The following CTNNA3 variants were observed in gnomAD, a reference collection of about 807,000 sequenced individuals.
The protein encoded by CTNNA3 is catenin alpha 3.
A neutral mutation model predicts 95.7 loss-of-function variants in CTNNA3; 76 were observed. That is an observed-to-expected ratio of 0.79 (90% CI 0.66 to 0.96). The LOEUF (loss-of-function observed/expected upper bound fraction) is 0.96, where lower values mean the gene tolerates loss of function less well. Ranked by LOEUF, CTNNA3 falls within the 40% of genes least tolerant of loss-of-function variation. The probability of loss-of-function intolerance (pLI) is 0.00; values close to 1 mark genes in which losing one functional copy is unlikely to be tolerated. For missense variants in CTNNA3, 1,191 were observed against 1,089.8 expected (o/e 1.09, Z -1.31); for synonymous variants, 431 against 374.4 (o/e 1.15, Z -1.74).
At chr10:66,876,611 G>C (rs948901830) in intron 7 of CTNNA3, among the ~76,000 whole-genome samples, 1 of 152,048 alleles carries the variant, frequency 6.6e-6, no homozygotes, top group Non-Finnish European at 1.5e-5. Context: ...CAACTCACCT[G>C]CAGCCATGAT....
chr10:66,914,244 C>T (rs1846371502), intron 7 of CTNNA3, among the ~76,000 whole-genome samples: 1 of 151,306 alleles, frequency 6.6e-6, no homozygotes, highest in African/African-American at 2.4e-5. Flanking sequence ...CATTCTCCTG[C>T]CTCAGCCTCC....
chr10:67,751,276 C>T (rs1285554627), intron 1 of CTNNA3: 31 of 1,092,064 alleles, frequency 2.8e-5, no homozygotes, highest in Admixed American at 2.4e-4. Flanking sequence ...TCTCTTTCTT[C>T]GCTGAAGTGT....
chr10:67,610,423 T>C (rs1843420124), intron 2 of CTNNA3, among the ~76,000 whole-genome samples: 1 of 152,252 alleles, frequency 6.6e-6, no homozygotes, highest in Non-Finnish European at 1.5e-5. Context: ...TTATTTGATA[T>C]TGATTAAACT....
chr10:67,275,748 T>G (rs1182283564), intron 5 of CTNNA3, among the ~76,000 whole-genome samples: 1 of 152,204 alleles, frequency 6.6e-6, no homozygotes, highest in Non-Finnish European at 1.5e-5. Context: ...AAGAACTATC[T>G]TCTGTAATTC....
chr10:67,455,712 A>T (rs927751422), intron 5 of CTNNA3, among the ~76,000 whole-genome samples: 7 of 152,162 alleles, frequency 4.6e-5, no homozygotes, highest in African/African-American at 1.7e-4. Flanking sequence ...TTTAAGGGCC[A>T]TTCTACAAAA....
intron 6 of CTNNA3, among the ~76,000 whole-genome samples, chr10:67,182,316 C>G (rs887807733): frequency 6.6e-6 from 1 of 152,190 alleles, no homozygotes; most frequent in African/African-American, 2.4e-5. Context: ...GTAACCAAAA[C>G]AGCATGGTAC....
intron 7 of CTNNA3, among the ~76,000 whole-genome samples, chr10:66,784,845 A>C (rs1840679121): frequency 6.6e-6 from 1 of 152,076 alleles, no homozygotes; most frequent in African/African-American, 2.4e-5. Context: ...CTACTTTCTC[A>C]CTCCATAGTC....
At chr10:66,798,757 G>A (rs1049264606) in intron 7 of CTNNA3, among the ~76,000 whole-genome samples, 6 of 151,518 alleles carry the variant, frequency 4.0e-5, no homozygotes, top group Non-Finnish European at 8.9e-5. Context: ...CACCATGTAC[G>A]TTACCTGTTC....
chr10:67,004,556 T>C (rs1276411879), intron 7 of CTNNA3, among the ~76,000 whole-genome samples: 14 of 152,180 alleles, frequency 9.2e-5, no homozygotes, highest in Admixed American at 6.5e-4. Context: ...GCTTTTTTTT[T>C]CAGTGGAAAC....
At chr10:66,242,511 A>G (rs778186742) in intron 13 of CTNNA3, among the ~76,000 whole-genome samples, 8 of 152,200 alleles carry the variant, frequency 5.3e-5, no homozygotes, top group Non-Finnish European at 7.3e-5. Flanking sequence ...ATTATTGATA[A>G]AAAAATAAGC....
At chr10:66,194,753 C>T (rs1422076374) in intron 13 of CTNNA3, among the ~76,000 whole-genome samples, 1 of 152,176 alleles carries the variant, frequency 6.6e-6, no homozygotes, top group Non-Finnish European at 1.5e-5. Context: ...GTCCATGAGA[C>T]ATGGGTCCTC....
rs949717791 is a variant in CTNNA3, at chr10:67,011,044, T to C, written c.1047+169273A>G. On this transcript the variant is annotated intron_variant, in intron 7 of 17. Transcript: ENST00000433211. Reference sequence around the variant, plus strand: ...TAAGATTATTTGTCAACTATGTCAATATAGGCCAGGCGCGGTGGCTCACGC... The same window carrying C: ...TAAGATTATTTGTCAACTATGTCAACATAGGCCAGGCGCGGTGGCTCACGC... 5.9e-5 allele frequency among the ~76,000 whole-genome samples: 9 copies of C among 152,132 alleles called. No individual in the cohort carries two copies. The East Asian group carries it at 1.5e-3, about 26-fold the overall frequency.
intron 5 of CTNNA3, among the ~76,000 whole-genome samples, chr10:67,511,297 G>T (rs1042618449): frequency 2.6e-5 from 4 of 152,176 alleles, no homozygotes; most frequent in Non-Finnish European, 5.9e-5. Context: ...AATGCTTCCA[G>T]TTTTTGCCCA....
Position 66,927,339 on chromosome 10 carries a change from C to T in CTNNA3, c.1048-151815G>A, listed in dbSNP as rs1290739161. 1 of 1,614,134 alleles carries T rather than the reference C, an allele frequency of 6.2e-7. No individual in the cohort carries two copies. The highest frequency in any genetic ancestry group is 8.5e-7 in the Non-Finnish European group (1 of 1,180,026). On this transcript the variant is annotated intron_variant, in intron 7 of 17. Transcript: ENST00000433211. The surrounding 1 kb of genome is among the most constrained non-coding windows in gnomAD (Gnocchi z 4.7). ...CAAATTTACGGAACTTGGATCTGTCCTATAATCAGCTGCATTCTCTGGGAT... is the reference window on the plus strand; with the variant it reads ...CAAATTTACGGAACTTGGATCTGTCTTATAATCAGCTGCATTCTCTGGGAT...
At chr10:66,305,379 T>A (rs1028618306) in intron 12 of CTNNA3, among the ~76,000 whole-genome samples, 1 of 152,046 alleles carries the variant, frequency 6.6e-6, no homozygotes, top group Non-Finnish European at 1.5e-5. Context: ...TAGGGACACA[T>A]GAAAAACTGA....
chr10:66,196,170 TGAAA>T (rs2086949818), intron 13 of CTNNA3, among the ~76,000 whole-genome samples: 1 of 152,082 alleles, frequency 6.6e-6, no homozygotes, highest in African/African-American at 2.4e-5. Context: ...CAAAAAATAG[TGAAA>T]GAAAGTTTAA....
chr10:66,995,634 T>G lies in CTNNA3; in HGVS notation c.1047+184683A>C, dbSNP rs1230400089. The stretch of plus-strand genomic sequence containing the variant: ...ACATCTCTATATTTTTTTATTAAGT[T>G]CAGGTTCTTTCCTCATCTGCTACCT... On this transcript the variant is annotated intron_variant, in intron 7 of 17. Coordinates refer to ENST00000433211, the MANE Select transcript of CTNNA3 (RefSeq NM_013266.4). Among the ~76,000 whole-genome samples, 6 of 152,218 alleles carry G rather than the reference T, an allele frequency of 3.9e-5. No individual in the cohort carries two copies. The South Asian group carries it at 8.3e-4, about 21-fold the overall frequency.
At chr10:67,074,516 A>C in intron 7 of CTNNA3, among the ~76,000 whole-genome samples, 1 of 150,598 alleles carries the variant, frequency 6.6e-6, no homozygotes. Flanking sequence ...ACGCCCGGCT[A>C]ATTTTCTGTA....
rs7903421 is a variant in CTNNA3, at chr10:67,521,974, A to G, written c.460-13T>C. ...ATGTCCTTTGAAACTGAAATTGAAA[A>G]CAAAAGTAGATCATTAGGATAGCAG... On this transcript the variant is annotated splice_polypyrimidine_tract_variant and intron_variant, in intron 4 of 17. Coordinates refer to ENST00000433211, the MANE Select transcript of CTNNA3 (RefSeq NM_013266.4). 93,712 of 1,605,582 alleles carry G rather than the reference A, an allele frequency of 0.058. 3,305 individuals are homozygous for G. Among genetic ancestry groups the G allele is most frequent in the South Asian group, 0.13 (12,115 of 89,988 alleles).
Sources: gnomAD v4.1 joint callset for allele counts (sites outside exome capture counted in the v4.1 genomes callset) on GRCh38, gnomAD v4.1.1 for gene constraint, Gnocchi (gnomAD v3.1) non-coding constraint, MANE v1.5 for transcripts, NCBI Gene and HGNC (gene_info 2026-07-23, HGNC 2026-07-21) for gene names.